Variants in UPP2 observed in about 807,000 individuals in gnomAD.
The protein encoded by UPP2 is uridine phosphorylase 2.
UPP2 carries 23 observed loss-of-function variants against 26.7 expected under a neutral mutation model. That is an observed-to-expected ratio of 0.86 (90% confidence interval 0.62 to 1.22). The LOEUF is 1.22. Ranked by LOEUF, UPP2 falls within the 50% of genes most tolerant of loss-of-function variation. UPP2 has a pLI of 0.00. For synonymous variants in UPP2, 127 were observed against 141.3 expected (o/e 0.90, Z 0.72); for missense variants, 387 against 396.7 (o/e 0.98, Z 0.21).
At chr2:158,129,674 A>G (rs921550326) in intron 6 of UPP2, among the ~76,000 whole-genome samples, 1 of 151,140 alleles carries the variant, frequency 6.6e-6, no homozygotes. Context: ...GCAGCTTTCA[A>G]TGAAAGAGGA....
At chr2:158,012,114 T>C (rs892340406) in intron 2 of UPP2, among the ~76,000 whole-genome samples, 1 of 152,110 alleles carries the variant, frequency 6.6e-6, no homozygotes, top group African/African-American at 2.4e-5. Context: ...TGAGCCTCCC[T>C]GTACTCTCTG....
chr2:158,037,785 C>T (rs930053477), intron 3 of UPP2, among the ~76,000 whole-genome samples: 8 of 143,862 alleles, frequency 5.6e-5, no homozygotes, highest in Non-Finnish European at 8.9e-5. Flanking sequence ...CTGCAACGAC[C>T]CTATTTCCAA....
At chr2:158,008,861 G>T (rs774199481) in intron 2 of UPP2, among the ~76,000 whole-genome samples, 2 of 152,100 alleles carry the variant, frequency 1.3e-5, no homozygotes, top group Non-Finnish European at 2.9e-5. Flanking sequence ...CATTTTCCCA[G>T]ATTTTTCAGT....
chr2:158,017,888 T>A (rs1437684469), intron 3 of UPP2, among the ~76,000 whole-genome samples: 1 of 152,264 alleles, frequency 6.6e-6, no homozygotes, highest in Non-Finnish European at 1.5e-5. Flanking sequence ...CTTTGTTTCT[T>A]CTTTTTAAGC....
At chr2:158,015,087 C>G (rs1683637764) in intron 2 of UPP2, among the ~76,000 whole-genome samples, 1 of 152,116 alleles carries the variant, frequency 6.6e-6, no homozygotes, top group Admixed American at 6.5e-5. Flanking sequence ...TATAATTAAA[C>G]AAAAACACAC....
At chr2:158,000,211 A>G (rs1219201086) in intron 2 of UPP2, among the ~76,000 whole-genome samples, 6 of 151,786 alleles carry the variant, frequency 4.0e-5, no homozygotes, top group Non-Finnish European at 7.4e-5. Context: ...GGATCTCTGT[A>G]AGCTCTGGAG....
intron 6 of UPP2, among the ~76,000 whole-genome samples, chr2:158,126,001 A>G (rs1003539536): frequency 6.6e-6 from 1 of 152,184 alleles, no homozygotes; most frequent in Admixed American, 6.5e-5. Context: ...AGTTATCAAC[A>G]TGTTGCCTTC....
chr2:158,069,750 T>A (rs1485867378), intron 3 of UPP2, among the ~76,000 whole-genome samples: 1 of 152,164 alleles, frequency 6.6e-6, no homozygotes, highest in Non-Finnish European at 1.5e-5. Context: ...CCTCCAACAA[T>A]GTCTTGACTT....
intron 3 of UPP2, among the ~76,000 whole-genome samples, chr2:158,060,166 G>C (rs1025134765): frequency 5.9e-5 from 9 of 152,106 alleles, no homozygotes; most frequent in African/African-American, 2.2e-4. Context: ...GTAGATCATG[G>C]TGATTAGGAG....
rs201683151 is a variant in UPP2, at chr2:157,996,529, A to C, written c.61+1270A>C. Among the ~76,000 whole-genome samples the C allele has an allele frequency of 7.2e-5, 11 of 152,336 alleles. No individual in the cohort carries two copies. The East Asian group carries it at 2.1e-3, about 29-fold the overall frequency. ...GTAAATAAGAATTAGATCCCAAAGA[A>C]AATTATTCCGGCTAATTATAAATCT... On this transcript the variant is annotated intron_variant, in intron 2 of 9. Transcript: ENST00000605860.
intron 3 of UPP2, among the ~76,000 whole-genome samples, chr2:158,057,293 G>T (rs902839314): frequency 6.6e-6 from 1 of 152,168 alleles, no homozygotes; most frequent in African/African-American, 2.4e-5. Flanking sequence ...CCTAAGGAGT[G>T]GGGAGAGTTA....
intron 3 of UPP2, among the ~76,000 whole-genome samples, chr2:158,048,695 C>A (rs1486106459): frequency 6.6e-6 from 1 of 152,190 alleles, no homozygotes; most frequent in Non-Finnish European, 1.5e-5. Context: ...CACAGTCTCT[C>A]TTCTAAGTTA....
upstream of UPP2, among the ~76,000 whole-genome samples, chr2:158,098,851 T>A (rs1574288985): frequency 6.6e-6 from 1 of 152,220 alleles, no homozygotes; most frequent in African/African-American, 2.4e-5. Flanking sequence ...GGATAGCTAA[T>A]AGAAAATACT....
intron 3 of UPP2, among the ~76,000 whole-genome samples, chr2:158,031,985 T>C (rs978903165): frequency 7.9e-5 from 12 of 152,168 alleles, no homozygotes; most frequent in Non-Finnish European, 1.8e-4. Flanking sequence ...AGCTGAATAT[T>C]GTGTTCCCCT....
At chr2:158,029,010 A>G (rs1683881418) in intron 3 of UPP2, among the ~76,000 whole-genome samples, 1 of 152,230 alleles carries the variant, frequency 6.6e-6, no homozygotes, top group African/African-American at 2.4e-5. Flanking sequence ...GAGCTTCGTC[A>G]GCCCAGAGCT....
intron 3 of UPP2, among the ~76,000 whole-genome samples, chr2:158,031,562 C>T (rs1035924581): frequency 3.3e-5 from 5 of 152,152 alleles, no homozygotes; most frequent in Admixed American, 6.5e-5. Context: ...TCTCCAGGAC[C>T]GCTGAGGTTC....
intron 3 of UPP2, among the ~76,000 whole-genome samples, chr2:158,049,377 C>G (rs977082954): frequency 2.6e-5 from 4 of 152,210 alleles, no homozygotes; most frequent in African/African-American, 7.2e-5. Context: ...TGCCACAGGC[C>G]TCTTCCTTTA....
intron 3 of UPP2, among the ~76,000 whole-genome samples, chr2:158,039,473 G>C (rs942741602): frequency 6.6e-6 from 1 of 152,190 alleles, no homozygotes; most frequent in African/African-American, 2.4e-5. Context: ...TGAAAATCAA[G>C]GTACAGAAAA....
intron 2 of UPP2, among the ~76,000 whole-genome samples, chr2:158,006,091 GGA>G (rs1256178355): frequency 1.3e-5 from 2 of 152,198 alleles, no homozygotes; most frequent in African/African-American, 4.8e-5. Context: ...AGTAAGTAGA[GGA>G]GAGTTCAGCC....
Sources: gnomAD v4.1 joint callset for allele counts (sites outside exome capture counted in the v4.1 genomes callset) on GRCh38, gnomAD v4.1.1 for gene constraint, MANE v1.5 for transcripts, NCBI Gene and HGNC (gene_info 2026-07-23, HGNC 2026-07-21) for gene names.